Variants in ALKBH1 observed in about 807,000 individuals in gnomAD.
ALKBH1 encodes alkB homolog 1, histone H2A dioxygenase, also known as nucleic acid dioxygenase ALKBH1.
ALKBH1 carries 31 observed loss-of-function variants against 36.6 expected under a neutral mutation model. The ratio of observed to expected loss-of-function variants is 0.85; its 90% CI spans 0.64 to 1.14. ALKBH1 has a LOEUF of 1.14. Ranked by LOEUF, ALKBH1 falls within the 50% of genes most tolerant of loss-of-function variation. ALKBH1 has a pLI of 0.00. For synonymous variants in ALKBH1, 183 were observed against 186.6 expected (o/e 0.98, Z 0.16); for missense variants, 490 against 497.3 (o/e 0.99, Z 0.14).
intron 3 of ALKBH1, among the ~76,000 whole-genome samples, chr14:77,690,892 C>G (rs1215642344): frequency 6.6e-6 from 1 of 152,056 alleles, no homozygotes; most frequent in Non-Finnish European, 1.5e-5. Context: ...ACCTCCGCCT[C>G]CCGGGTTCAA....
chr14:77,703,455 C>T (rs984158244), intron 2 of ALKBH1, among the ~76,000 whole-genome samples: 1 of 151,976 alleles, frequency 6.6e-6, no homozygotes, highest in Admixed American at 6.6e-5. Flanking sequence ...CCATGCCCGG[C>T]TAATTTTGTT....
intron 1 of ALKBH1, among the ~76,000 whole-genome samples, chr14:77,706,131 C>T (rs1011295805): frequency 3.3e-5 from 5 of 151,764 alleles, no homozygotes; most frequent in African/African-American, 9.7e-5. Flanking sequence ...GAAACATTCT[C>T]TTTGAAAGAG....
chr14:77,696,088 T>C (rs1324433763), intron 2 of ALKBH1, among the ~76,000 whole-genome samples: 3 of 152,178 alleles, frequency 2.0e-5, no homozygotes, highest in African/African-American at 7.2e-5. Flanking sequence ...CCAGACTCTG[T>C]CTCAAAAACA....
At chr14:77,674,721 T>C (rs900430557) in intron 5 of ALKBH1, among the ~76,000 whole-genome samples, 2 of 151,956 alleles carry the variant, frequency 1.3e-5, no homozygotes, top group Non-Finnish European at 2.9e-5. Flanking sequence ...CCCGACTAAT[T>C]TTTGTATCTT....
chr14:77,673,720 T>A lies in ALKBH1; in HGVS notation c.*92A>T. 1 of 1,346,564 alleles carries A rather than the reference T, an allele frequency of 7.4e-7. No individual in the cohort carries two copies. The highest frequency in any genetic ancestry group is 1.5e-5 in the African/African-American group (1 of 68,466). The allele number at this position is 1,346,564 out of a possible 1,614,324, so 83.4% of individuals were successfully genotyped here. On this transcript the variant is annotated 3_prime_UTR_variant, in exon 6 of 6. Transcript: ENST00000216489. ...GTTCTTCCCTGTCTCTGTTTTTGGCTTGTCTGGGTGCTGAAGTCCACGGCA... is the reference window on the plus strand; with the variant it reads ...GTTCTTCCCTGTCTCTGTTTTTGGCATGTCTGGGTGCTGAAGTCCACGGCA...
At chr14:77,704,539 C>T (rs2080377774) in intron 1 of ALKBH1, 62 bp from the exon 2 acceptor site, 7 of 1,301,852 alleles carry the variant, frequency 5.4e-6, no homozygotes, top group Non-Finnish European at 7.8e-6. Flanking sequence ...CCCCGGGAAC[C>T]TCAAACCTCC....
chr14:77,673,886 TG>T lies in ALKBH1; in HGVS notation c.1095del (p.Ser366ValfsTer15). 1.2e-6 allele frequency: 2 copies of T among 1,614,276 alleles called. No homozygotes were observed. Among genetic ancestry groups the T allele is most frequent in the South Asian group, 2.2e-5 (2 of 91,092 alleles). ...TCCAGATGGCAGAAACCTTCTGTAC[TG>T]ATGTCTCTTTTTTCATCCTCGATGG... ...LEPIEDEKRD[I>X]STEGFCHLDD... On this transcript the variant is annotated frameshift_variant, in exon 6 of 6. Transcript: ENST00000216489. LOFTEE classifies it high-confidence loss of function.
intron 3 of ALKBH1, among the ~76,000 whole-genome samples, chr14:77,680,706 T>G (rs535866869): frequency 1.2e-4 from 16 of 134,674 alleles, no homozygotes; most frequent in African/African-American, 4.6e-4. Context: ...TGAGACAGAG[T>G]TTCGCTCTTG....
At chr14:77,704,595 T>C in intron 1 of ALKBH1, 118 bp from the exon 2 acceptor site, 1 of 763,008 alleles carries the variant, frequency 1.3e-6, no homozygotes, top group Non-Finnish European at 2.2e-6. Context: ...TTGTTTAAGA[T>C]ACAGAACCTT....
intron 3 of ALKBH1, 47 bp from the exon 4 acceptor site, chr14:77,680,017 G>T: frequency 1.4e-6 from 2 of 1,467,096 alleles, no homozygotes; most frequent in Non-Finnish European, 1.9e-6. Context: ...TAAAATGGCA[G>T]CAATAGCCGT....
chr14:77,676,867 T>TG (rs1171470068), intron 4 of ALKBH1, among the ~76,000 whole-genome samples: 1 of 152,240 alleles, frequency 6.6e-6, no homozygotes, highest in Non-Finnish European at 1.5e-5. Context: ...GTCAATCTGA[T>TG]GGGATGACAT....
intron 2 of ALKBH1, among the ~76,000 whole-genome samples, chr14:77,698,568 T>C (rs1188606306): frequency 6.6e-6 from 1 of 152,228 alleles, no homozygotes; most frequent in Non-Finnish European, 1.5e-5. Context: ...TAGTGTAATG[T>C]TCCCCTTGCA....
In ALKBH1 at chr14:77,675,709, T is replaced by A. The variant is rs371985122; in HGVS notation, c.687A>T (p.Gly229=). The change falls in exon 5 of 6, where the codon GGA becomes GGT. Residue 229 remains glycine (G), a synonymous_variant. Transcript: ENST00000216489. The part of the protein sequence containing the change: ...LNYYRLDSTL[G]IHVDRSELDH... ...CTAGCTCAGATCTGTCTACGTGGATTCCCAGTGTGGAGTCCAGGCGGTAGT... is the reference window on the plus strand; with the variant it reads ...CTAGCTCAGATCTGTCTACGTGGATACCCAGTGTGGAGTCCAGGCGGTAGT... The A allele has an allele frequency of 1.9e-6, 3 of 1,614,160 alleles. No individual in the cohort carries two copies. Among genetic ancestry groups the A allele is most frequent in the Non-Finnish European group, 2.5e-6 (3 of 1,180,024 alleles).
intron 3 of ALKBH1, among the ~76,000 whole-genome samples, chr14:77,687,659 G>A (rs2080275399): frequency 6.6e-6 from 1 of 152,002 alleles, no homozygotes; most frequent in Admixed American, 6.6e-5. Flanking sequence ...AGACCTATTT[G>A]ACATGGCTGG....
chr14:77,707,885 C>T lies in ALKBH1; in HGVS notation c.120G>A (p.Leu40=). ...CCGCCGAGAAGTCGATGACCCCTTC[C>T]AGGTCTGCGGTCCCGGGCCGGCTCT... ...YRQSRPGTAD[L]EGVIDFSAAH... is the part of the protein sequence containing the mutation. Residue 40 remains leucine, a synonymous_variant, in exon 1 of 6, where the codon CTG becomes CTA. Transcript: ENST00000216489. 1 of 1,613,520 alleles carries T rather than the reference C, an allele frequency of 6.2e-7. No individual in the cohort carries two copies. Among genetic ancestry groups the T allele is most frequent in the South Asian group, 1.1e-5 (1 of 91,070 alleles).
At chr14:77,705,261 A>G (rs1377706523) in intron 1 of ALKBH1, among the ~76,000 whole-genome samples, 2 of 152,092 alleles carry the variant, frequency 1.3e-5, no homozygotes, top group Non-Finnish European at 2.9e-5. Flanking sequence ...AAAAATACAA[A>G]AATTAGTTGG....
At position 77,673,702 on chromosome 14, in the gene ALKBH1, C is replaced by T; in HGVS notation, c.*110G>A. The T allele has an allele frequency of 8.8e-7, 1 of 1,138,456 alleles. No individual in the cohort carries two copies. The highest frequency in any genetic ancestry group is 1.5e-5 in the African/African-American group (1 of 64,588). The allele number at this position is 1,138,456 out of a possible 1,614,324, so 70.5% of individuals were successfully genotyped here. A position where few individuals can be genotyped will look rare whatever the true frequency, so the allele number is the denominator to read the frequency against. On this transcript the variant is annotated 3_prime_UTR_variant, in exon 6 of 6. Coordinates refer to ENST00000216489, the MANE Select transcript of ALKBH1 (RefSeq NM_006020.3). ...CAGTGTGATCAACAATGAGTTCTTCCCTGTCTCTGTTTTTGGCTTGTCTGG... is the reference window on the plus strand; with the variant it reads ...CAGTGTGATCAACAATGAGTTCTTCTCTGTCTCTGTTTTTGGCTTGTCTGG...
At chr14:77,698,015 GA>G (rs962658276) in intron 2 of ALKBH1, among the ~76,000 whole-genome samples, 2 of 149,730 alleles carry the variant, frequency 1.3e-5, no homozygotes, top group African/African-American at 2.5e-5. Context: ...TGCCTCAAAA[GA>G]AAAAAAAAGA....
intron 4 of ALKBH1, among the ~76,000 whole-genome samples, chr14:77,677,186 C>T (rs906195161): frequency 6.6e-6 from 1 of 152,026 alleles, no homozygotes; most frequent in Admixed American, 6.6e-5. Flanking sequence ...ATTACAGGTG[C>T]CTGCCACCAT....
Sources: allele counts gnomAD v4.1 joint callset (sites outside exome capture counted in the v4.1 genomes callset), GRCh38; gene constraint gnomAD v4.1.1; transcripts MANE v1.5; gene names NCBI Gene and HGNC (gene_info 2026-07-23, HGNC 2026-07-21).